RALYL: variants seen among roughly 807,000 people sequenced by gnomAD.
RALYL encodes the protein RNA-binding Raly-like protein.
In RALYL, 29 loss-of-function variants were observed where a neutral mutation model predicts 35.1. The ratio of observed to expected loss-of-function variants is 0.83; its 90% CI spans 0.61 to 1.13. RALYL has a LOEUF of 1.13. RALYL is among the 50% of genes most tolerant of loss of function. RALYL has a pLI of 0.00. For missense variants in RALYL, 359 were observed against 360.4 expected (o/e 1.00, Z 0.03); for synonymous variants, 120 against 127.6 (o/e 0.94, Z 0.40).
intron 1 of RALYL, among the ~76,000 whole-genome samples, chr8:84,233,417 T>G (rs1026820908): frequency 6.6e-6 from 1 of 152,204 alleles, no homozygotes; most frequent in African/African-American, 2.4e-5. Context: ...CCCATAACAT[T>G]GTGTCACTAG....
At chr8:84,507,925 T>C (rs974517041) in intron 1 of RALYL, among the ~76,000 whole-genome samples, 5 of 152,154 alleles carry the variant, frequency 3.3e-5, no homozygotes, top group Admixed American at 1.3e-4. Context: ...AAATTAAGTA[T>C]GTATTTAATG....
chr8:84,460,725 C>A (rs2050672633), intron 1 of RALYL, among the ~76,000 whole-genome samples: 1 of 151,524 alleles, frequency 6.6e-6, no homozygotes, highest in East Asian at 1.9e-4. Context: ...GGAAAAAGAA[C>A]TTTCGTGGTC....
chr8:84,546,335 G>T (rs2060356839), intron 2 of RALYL, among the ~76,000 whole-genome samples: 1 of 152,072 alleles, frequency 6.6e-6, no homozygotes, highest in South Asian at 2.1e-4. Context: ...GCCCATGCTG[G>T]TCTCAAACTG....
At chr8:84,839,615 G>A (rs1040325595) in intron 4 of RALYL, among the ~76,000 whole-genome samples, 9 of 152,374 alleles carry the variant, frequency 5.9e-5, no homozygotes, top group Non-Finnish European at 1.3e-4. Flanking sequence ...GCTTTGAAGA[G>A]AGTAGTGGTT....
intron 8 of RALYL, among the ~76,000 whole-genome samples, chr8:84,898,415 A>G (rs1845123823): frequency 6.6e-6 from 1 of 152,134 alleles, no homozygotes; most frequent in Non-Finnish European, 1.5e-5. Flanking sequence ...ATTAAATCAG[A>G]GTTTCAGAAG....
At chr8:84,666,322 A>C (rs1832035453) in intron 2 of RALYL, among the ~76,000 whole-genome samples, 1 of 152,064 alleles carries the variant, frequency 6.6e-6, no homozygotes, top group Non-Finnish European at 1.5e-5. Context: ...TATTCATGTG[A>C]ACAAAATATA....
At chr8:84,560,892 T>C (rs2061431095) in intron 2 of RALYL, among the ~76,000 whole-genome samples, 1 of 152,160 alleles carries the variant, frequency 6.6e-6, no homozygotes, top group Non-Finnish European at 1.5e-5. Flanking sequence ...TCTCTATTTC[T>C]GGTTCTCTGT....
At chr8:84,320,796 AAT>A (rs760730519) in intron 1 of RALYL, among the ~76,000 whole-genome samples, 29 of 152,088 alleles carry the variant, frequency 1.9e-4, no homozygotes, top group Non-Finnish European at 3.5e-4. Context: ...TAAAAACTAA[AAT>A]ATAGTTTTAG....
At chr8:84,436,078 C>T (rs1259118513) in intron 1 of RALYL, among the ~76,000 whole-genome samples, 1 of 152,116 alleles carries the variant, frequency 6.6e-6, no homozygotes, top group African/African-American at 2.4e-5. Context: ...TCACCTGTTT[C>T]CCAAAACCTA....
intron 1 of RALYL, among the ~76,000 whole-genome samples, chr8:84,193,383 T>C (rs1814464192): frequency 6.6e-6 from 1 of 152,182 alleles, no homozygotes; most frequent in African/African-American, 2.4e-5. Context: ...GTGTGATTAG[T>C]AGTAGCGCAA....
rs2055792762 is a variant in RALYL at position 84,494,693 on chromosome 8, CTGTT to C, written c.-23-34602_-23-34599del. On this transcript the variant is annotated intron_variant, in intron 1 of 8. Coordinates refer to ENST00000521268, the MANE Select transcript of RALYL (RefSeq NM_173848.7). The stretch of plus-strand genomic sequence containing the variant: ...AGTAATTCATTCATGATTTGGCTCT[CTGTT>C]TGTCTACTATTGGTGTATAGGAGTG... Among the ~76,000 whole-genome samples the C allele has an allele frequency of 9.2e-5, 14 of 152,046 alleles. 1 individual carries two copies. Among genetic ancestry groups the C allele is most frequent in the Admixed American group, 8.5e-4 (13 of 15,244 alleles).
At chr8:84,636,419 G>A (rs1026745967) in intron 2 of RALYL, among the ~76,000 whole-genome samples, 6 of 151,704 alleles carry the variant, frequency 4.0e-5, no homozygotes, top group East Asian at 1.9e-4. Context: ...TGGAATGTAC[G>A]CAGGACAAGT....
chr8:84,442,054 A>G (rs1397943837), intron 1 of RALYL, among the ~76,000 whole-genome samples: 1 of 152,156 alleles, frequency 6.6e-6, no homozygotes, highest in Non-Finnish European at 1.5e-5. Flanking sequence ...AGGGAATATC[A>G]CTGAACATTT....
Position 84,692,932 on chromosome 8 carries a change from G to A in RALYL, c.257-81647G>A, listed in dbSNP as rs1838354512. Reference sequence around the variant, plus strand: ...GTTGAAGGAAGAGGCCATGAGCCAAGGGTGGTAGGTAGCCTCTAGAAGTTA... The same window carrying A: ...GTTGAAGGAAGAGGCCATGAGCCAAAGGTGGTAGGTAGCCTCTAGAAGTTA... On this transcript the variant is annotated intron_variant, in intron 2 of 8. Coordinates refer to ENST00000521268, the MANE Select transcript of RALYL (RefSeq NM_173848.7). Among the ~76,000 whole-genome samples the A allele has an allele frequency of 2.0e-5, 3 of 152,102 alleles. No individual in the cohort carries two copies. In the South Asian group the frequency reaches 6.2e-4, roughly 31 times the overall value.
chr8:84,262,803 G>A (rs1044844246), intron 1 of RALYL, among the ~76,000 whole-genome samples: 2 of 152,096 alleles, frequency 1.3e-5, no homozygotes, highest in African/African-American at 4.8e-5. Context: ...AAGAATAGTA[G>A]AATACATAGG....
In RALYL at chr8:84,873,398, G is replaced by T; in HGVS notation, c.685+1G>T. 6.4e-7 allele frequency: 1 copy of T among 1,559,642 alleles called. No homozygotes were observed. Among genetic ancestry groups the T allele is most frequent in the East Asian group, 2.3e-5 (1 of 43,602 alleles). ...GAGAAACAGCAGAAGGCGGAGGCAG[G>T]TAAGTGATCTCTGATCACAGACAGG... On this transcript the variant is annotated splice_donor_variant, in intron 7 of 8. Transcript: ENST00000521268. LOFTEE classifies it high-confidence loss of function.
At chr8:84,672,701 G>A (rs1237589319) in intron 2 of RALYL, among the ~76,000 whole-genome samples, 1 of 152,112 alleles carries the variant, frequency 6.6e-6, no homozygotes, top group East Asian at 1.9e-4. Context: ...CATGTACAGG[G>A]GAAGTGCCCT....
intron 1 of RALYL, among the ~76,000 whole-genome samples, chr8:84,505,800 C>T (rs4740018): frequency 0.3 from 44,808 of 151,864 alleles, 8,092 homozygotes; most frequent in South Asian, 0.49. Context: ...GCAAGCTAGA[C>T]GAGCAAGCAT....
intron 2 of RALYL, among the ~76,000 whole-genome samples, chr8:84,654,276 T>C (rs1185364200): frequency 3.7e-5 from 3 of 81,434 alleles, no homozygotes; most frequent in Admixed American, 1.1e-4. Flanking sequence ...GTTCCATATA[T>C]ATATATATAT....
Sources: allele counts gnomAD v4.1 joint callset (sites outside exome capture counted in the v4.1 genomes callset), GRCh38; gene constraint gnomAD v4.1.1; transcripts MANE v1.5; gene names NCBI Gene and HGNC (gene_info 2026-07-23, HGNC 2026-07-21).